Variants in EBF2 observed in about 807,000 individuals in gnomAD.
EBF2 encodes EBF transcription factor 2.
A neutral mutation model predicts 72.8 loss-of-function variants in EBF2; 21 were observed. That is an observed-to-expected ratio of 0.29 (90% CI 0.20 to 0.42). The LOEUF is 0.42. Ranked by LOEUF, EBF2 falls within the 10% of genes least tolerant of loss-of-function variation. EBF2 has a pLI of 1.00. For missense variants in EBF2, 637 were observed against 731.2 expected (o/e 0.87, Z 1.49); for synonymous variants, 299 against 274.2 (o/e 1.09, Z -0.89).
chr8:25,986,293 C>T (rs570004040), intron 6 of EBF2, among the ~76,000 whole-genome samples: 1 of 152,122 alleles, frequency 6.6e-6, no homozygotes, highest in African/African-American at 2.4e-5. Flanking sequence ...CTCCCAGCTC[C>T]TTCATGAAGC....
Position 25,847,459 on chromosome 8 carries a change from G to A in EBF2, c.1697-2819C>T, listed in dbSNP as rs182782889. On this transcript the variant is annotated intron_variant, in intron 15 of 15. Transcript: ENST00000520164. ...AGGGAACTTCACAATGTTGGACACT[G>A]AGCTTCCATGCACCTGGTCTAAAAC... 4.2e-3 allele frequency among the ~76,000 whole-genome samples: 635 copies of A among 152,304 alleles called. 15 individuals are homozygous for A. Among genetic ancestry groups the A allele is most frequent in the Admixed American group, 0.039 (592 of 15,294 alleles).
chr8:25,941,367 G>T (rs1402629117), intron 6 of EBF2, among the ~76,000 whole-genome samples: 1 of 152,058 alleles, frequency 6.6e-6, no homozygotes, highest in East Asian at 1.9e-4. Flanking sequence ...CACCATGCCT[G>T]GCTAATTTTT....
chr8:25,993,920 A>C (rs1013474872), intron 6 of EBF2, among the ~76,000 whole-genome samples: 8 of 152,214 alleles, frequency 5.3e-5, no homozygotes, highest in African/African-American at 1.7e-4. Context: ...AAATAGTTAG[A>C]AAAGGATATG....
intron 7 of EBF2, among the ~76,000 whole-genome samples, chr8:25,906,170 T>C (rs1004180860): frequency 1.3e-5 from 2 of 152,224 alleles, no homozygotes; most frequent in South Asian, 2.1e-4. Context: ...AATGGAAGCC[T>C]CTTCACATTT....
chr8:26,019,379 C>T (rs934869441), intron 6 of EBF2, among the ~76,000 whole-genome samples: 7 of 152,152 alleles, frequency 4.6e-5, no homozygotes, highest in African/African-American at 1.7e-4. Flanking sequence ...AGGGAAAACG[C>T]TCTGAAGAGA....
At chr8:25,972,965 C>T (rs770592033) in intron 6 of EBF2, among the ~76,000 whole-genome samples, 19 of 151,592 alleles carry the variant, frequency 1.3e-4, no homozygotes, top group Middle Eastern at 6.8e-3. Flanking sequence ...CAACTCCCAC[C>T]CACCCTTGTC....
At chr8:25,931,965 T>C (rs951510966) in intron 6 of EBF2, among the ~76,000 whole-genome samples, 1 of 152,210 alleles carries the variant, frequency 6.6e-6, no homozygotes, top group Non-Finnish European at 1.5e-5. Flanking sequence ...GTCAGCTGTT[T>C]AGGCAGCTTT....
At position 26,044,748 on chromosome 8, in the gene EBF2, C is replaced by A; in HGVS notation, c.112G>T (p.Ala38Ser). The change falls in exon 1 of 16, where the codon GCT becomes TCT. Residue 38 changes from alanine (A) to serine (S), a missense_variant. Coordinates refer to ENST00000520164, the MANE Select transcript of EBF2 (RefSeq NM_022659.4). This position sits in a 1 kb window ranked among gnomAD's most constrained non-coding sequence, Gnocchi z 4.1. Reference sequence around the variant, plus strand: ...CGTTACCTCTGCGCGGCGACATTAGCGTCCACCACTCCGACATTCCGGACC... The same window carrying A: ...CGTTACCTCTGCGCGGCGACATTAGAGTCCACCACTCCGACATTCCGGACC... ...SWVRNVGVVDANVAAQSGVAL... is the reference protein window; with the variant it reads ...SWVRNVGVVDSNVAAQSGVAL... 1.2e-6 allele frequency: 2 copies of A among 1,614,112 alleles called. No homozygotes were observed. The highest frequency in any genetic ancestry group is 1.7e-6 in the Non-Finnish European group (2 of 1,180,014).
intron 6 of EBF2, among the ~76,000 whole-genome samples, chr8:26,007,059 G>A (rs1490591039): frequency 6.6e-6 from 1 of 152,208 alleles, no homozygotes; most frequent in Non-Finnish European, 1.5e-5. Context: ...TGGAGGTAAT[G>A]CACATAATCC....
At chr8:25,953,015 A>G (rs1383322932) in intron 6 of EBF2, among the ~76,000 whole-genome samples, 1 of 152,244 alleles carries the variant, frequency 6.6e-6, no homozygotes, top group Non-Finnish European at 1.5e-5. Context: ...CAAACTTCAC[A>G]GAGACCATTT....
At chr8:26,037,442 CTTTTG>C (rs1252944557) in intron 5 of EBF2, among the ~76,000 whole-genome samples, 3 of 152,164 alleles carry the variant, frequency 2.0e-5, no homozygotes, top group African/African-American at 7.2e-5. Flanking sequence ...AGCATGGTGG[CTTTTG>C]TTTTGTTTTC....
chr8:25,884,147 T>G (rs1802650030), intron 10 of EBF2, among the ~76,000 whole-genome samples: 1 of 152,094 alleles, frequency 6.6e-6, no homozygotes, highest in African/African-American at 2.4e-5. Context: ...CCCATCACTC[T>G]CTTCCCCACT....
intron 6 of EBF2, 129 bp downstream of exon 6, chr8:26,032,956 G>T: frequency 3.7e-6 from 3 of 818,018 alleles, no homozygotes; most frequent in Non-Finnish European, 6.0e-6. Context: ...GGCCTTTGTT[G>T]GATGAGCTTA....
intron 10 of EBF2, among the ~76,000 whole-genome samples, chr8:25,864,821 A>G (rs1194491401): frequency 6.8e-6 from 1 of 147,658 alleles, no homozygotes; most frequent in Non-Finnish European, 1.5e-5. Context: ...TTTTTGAGAC[A>G]GAGTCTCACT....
At position 25,858,473 on chromosome 8, in the gene EBF2, C is replaced by T. The variant is rs750817204; in HGVS notation, c.1374G>A (p.Pro458=). Residue 458 remains proline (P), a synonymous_variant, in exon 14 of 16, where the codon CCG becomes CCA. Coordinates refer to ENST00000520164, the MANE Select transcript of EBF2 (RefSeq NM_022659.4). ...GYIRNTSSIS[P]RGYSSSSTPQ... ...GCGTGGAGCTGGAAGAGTATCCCCG[C>T]GGAGAGATGCTGCTTGTGTTGCGGA... is the stretch of plus-strand genomic sequence containing the variant. The T allele has an allele frequency of 8.4e-5, 135 of 1,613,822 alleles. 1 individual carries two copies. In the South Asian group the frequency reaches 1.1e-3, roughly 14 times the overall value.
At chr8:26,029,935 C>G (rs1278434742) in intron 6 of EBF2, among the ~76,000 whole-genome samples, 1 of 152,060 alleles carries the variant, frequency 6.6e-6, no homozygotes, top group African/African-American at 2.4e-5. Context: ...TTTTCTGAGA[C>G]AGGTCTCCCT....
At chr8:25,887,125 CT>C (rs1802703850) in intron 9 of EBF2, among the ~76,000 whole-genome samples, 2 of 151,900 alleles carry the variant, frequency 1.3e-5, no homozygotes, top group African/African-American at 2.4e-5. Context: ...CTGTCTCTCT[CT>C]CTCTCTCTCT....
intron 5 of EBF2, among the ~76,000 whole-genome samples, chr8:26,033,649 A>C (rs1563214738): frequency 6.6e-6 from 1 of 152,162 alleles, no homozygotes; most frequent in African/African-American, 2.4e-5. Flanking sequence ...TGCTGGGCTT[A>C]ATACCTAGAT....
chr8:26,009,328 G>A (rs567159148), intron 6 of EBF2, among the ~76,000 whole-genome samples: 1 of 152,222 alleles, frequency 6.6e-6, no homozygotes, highest in East Asian at 1.9e-4. Flanking sequence ...CTATACAAGT[G>A]AGCACCAGGG....
Sources: allele counts gnomAD v4.1 joint callset (sites outside exome capture counted in the v4.1 genomes callset), GRCh38; gene constraint gnomAD v4.1.1; non-coding constraint Gnocchi (gnomAD v3.1); transcripts MANE v1.5; gene names NCBI Gene and HGNC (gene_info 2026-07-23, HGNC 2026-07-21).